The following ACOT1 variants were observed in gnomAD, a reference collection of about 807,000 sequenced individuals.
ACOT1 encodes the protein acyl-CoA thioesterase 1, also known as acyl-coenzyme A thioesterase 1.
A neutral mutation model predicts 15.7 loss-of-function variants in ACOT1; 8 were observed. The ratio of observed to expected loss-of-function variants is 0.51; its 90% CI spans 0.30 to 0.92. ACOT1 has a LOEUF of 0.92. ACOT1 is among the 40% of genes least tolerant of loss of function. ACOT1 has a pLI of 0.06. For synonymous variants in ACOT1, 67 were observed against 241.2 expected, an observed-to-expected ratio of 0.28 and a Z score of 6.69; for missense variants, 151 against 539.4, an observed-to-expected ratio of 0.28 and a Z score of 7.13.
chr14:73,491,395 C>T, the ACOT1 span: 2 of 1,348,740 alleles, frequency 1.5e-6, no homozygotes, highest in Non-Finnish European at 1.9e-6. Flanking sequence ...TGCCCGCTTC[C>T]GCGCCGCCCG....
At chr14:73,509,341 C>T in the ACOT1 span, 5,995 of 1,614,000 alleles carry the variant, frequency 3.7e-3, 197 homozygotes, top group African/African-American at 0.069. Flanking sequence ...CATGATGTTC[C>T]GGGCAAGGGG....
chr14:73,505,430 A>G, the ACOT1 span, among the ~76,000 whole-genome samples: 1 of 146,682 alleles, frequency 6.8e-6, no homozygotes, highest in East Asian at 2.1e-4. Context: ...AGAGTCTCGC[A>G]CTGTCGCCCA....
At chr14:73,508,360 G>A in the ACOT1 span, 1 of 1,460,196 alleles carries the variant, frequency 6.8e-7, no homozygotes, top group Non-Finnish European at 9.5e-7. Flanking sequence ...AACAGCCTTT[G>A]GATTGATACC....
At chr14:73,530,459 C>G in the ACOT1 span, 4 of 129,816 alleles carry the variant, frequency 3.1e-5, 1 homozygote, top group Admixed American at 3.4e-4. Context: ...GATTAGGGAA[C>G]AGCTGCTTAA....
At chr14:73,510,714 G>T in the ACOT1 span, among the ~76,000 whole-genome samples, 1 of 152,194 alleles carries the variant, frequency 6.6e-6, no homozygotes, top group Non-Finnish European at 1.5e-5. Flanking sequence ...GGAATTACAA[G>T]TGTGAGCCAC....
upstream of ACOT1, among the ~76,000 whole-genome samples, chr14:73,536,136 G>C (rs182165135): frequency 1.7e-5 from 2 of 114,858 alleles, 1 homozygote; most frequent in Non-Finnish European, 3.8e-5. Flanking sequence ...AGAGCATTTG[G>C]AAAGAGATAA....
chr14:73,498,255 C>G, the ACOT1 span: 1 of 1,614,018 alleles, frequency 6.2e-7, no homozygotes, highest in Non-Finnish European at 8.5e-7. Context: ...CGGCAAGCTT[C>G]CAGCCGTACA....
At chr14:73,491,702 C>A in the ACOT1 span, 10 of 1,550,358 alleles carry the variant, frequency 6.5e-6, no homozygotes, top group Admixed American at 1.2e-4. Flanking sequence ...CGAGGCGGTG[C>A]TGGTGCGGCG....
intron 1 of ACOT1, chr14:73,539,793 G>A (rs535337251): frequency 8.6e-6 from 1 of 116,954 alleles, no homozygotes; most frequent in African/African-American, 2.8e-5. Flanking sequence ...CGCTGCCGGG[G>A]CACTGGGGTT....
At chr14:73,498,950 A>G in the ACOT1 span, 1 of 817,722 alleles carries the variant, frequency 1.2e-6, no homozygotes, top group East Asian at 2.5e-5. Context: ...GAACTTCTGA[A>G]AAGCTAAGAT....
At chr14:73,491,407 G>A in the ACOT1 span, 3 of 1,344,196 alleles carry the variant, frequency 2.2e-6, no homozygotes, top group Non-Finnish European at 2.8e-6. Flanking sequence ...CGCCGCCCGC[G>A]CGCCTGGTGG....
the ACOT1 span, chr14:73,502,846 C>T: frequency 1.4e-6 from 2 of 1,457,678 alleles, no homozygotes; most frequent in South Asian, 1.1e-5. Flanking sequence ...GCCTCCTAAA[C>T]ACTTCTAAGA....
At chr14:73,492,541 T>G in the ACOT1 span, 1 of 1,613,824 alleles carries the variant, frequency 6.2e-7, no homozygotes, top group African/African-American at 1.3e-5. This position sits in a 1 kb window ranked among gnomAD's most constrained non-coding sequence, Gnocchi z 4.9. Context: ...TCATTCACGA[T>G]TCTCTGCCCC....
chr14:73,509,809 CCCATATATATATAT>C, the ACOT1 span, among the ~76,000 whole-genome samples: 6 of 5,190 alleles, frequency 1.2e-3, no homozygotes, highest in Non-Finnish European at 1.3e-3. Flanking sequence ...GCCCCATGAG[CCCATATATATATAT>C]ATATATATAT....
chr14:73,519,097 C>T, the ACOT1 span: 102 of 1,613,804 alleles, frequency 6.3e-5, no homozygotes, highest in South Asian at 1.1e-4. Flanking sequence ...CTTGTTGTAC[C>T]GATTTAGGTT....
chr14:73,502,902 T>C, the ACOT1 span: 1 of 1,611,772 alleles, frequency 6.2e-7, no homozygotes, highest in Non-Finnish European at 8.5e-7. Context: ...TACCTGATTA[T>C]GTCGTGCACC....
At chr14:73,517,904 T>C in the ACOT1 span, among the ~76,000 whole-genome samples, 1 of 151,872 alleles carries the variant, frequency 6.6e-6, no homozygotes, top group Non-Finnish European at 1.5e-5. Flanking sequence ...CTGGCCAACA[T>C]GGTGAACCCC....
the ACOT1 span, chr14:73,495,110 G>A: frequency 2.6e-6 from 2 of 781,664 alleles, no homozygotes; most frequent in East Asian, 5.2e-5. Flanking sequence ...AGGGAAGAGA[G>A]TACCCTTTCC....
the ACOT1 span, among the ~76,000 whole-genome samples, chr14:73,510,133 T>C: frequency 6.6e-5 from 10 of 151,704 alleles, no homozygotes; most frequent in African/African-American, 2.4e-4. Context: ...AGTGCTGGGA[T>C]TACAGACGTG....
Sources: allele counts gnomAD v4.1 joint callset (sites outside exome capture counted in the v4.1 genomes callset), GRCh38; gene constraint gnomAD v4.1.1; non-coding constraint Gnocchi (gnomAD v3.1); transcripts MANE v1.5; gene names NCBI Gene and HGNC (gene_info 2026-07-23, HGNC 2026-07-21).